UPF2: variants seen among roughly 807,000 people sequenced by gnomAD.
UPF2 encodes the protein regulator of nonsense transcripts 2.
Under a neutral mutation model 141.4 loss-of-function variants are expected in UPF2, and 17 were observed. The observed-to-expected ratio is 0.12, with a 90% CI of 0.08 to 0.18. The LOEUF (loss-of-function observed/expected upper bound fraction) is 0.18. Among genes scored for constraint, UPF2 ranks in the 10% least tolerant of loss-of-function variants. UPF2 has a pLI of 1.00. For missense variants in UPF2, 1,152 were observed against 1,515.9 expected (o/e 0.76, Z 3.99); for synonymous variants, 540 against 498.0 (o/e 1.08, Z -1.12).
At chr10:12,039,077 G>C (rs1834687546) in intron 1 of UPF2, among the ~76,000 whole-genome samples, 1 of 152,074 alleles carries the variant, frequency 6.6e-6, no homozygotes, top group South Asian at 2.1e-4. Flanking sequence ...CTTTCAAAAA[G>C]ACTATAATAC....
rs142931329 is a variant in UPF2 at position 11,967,423 on chromosome 10, G to A, written c.1985C>T (p.Thr662Ile). Residue 662 changes from threonine (T) to isoleucine (I), a missense_variant, in exon 10 of 22, where the codon ACA becomes ATA. Thr to Ile is a moderately conservative substitution (Grantham distance 89, BLOSUM62 -1). This residue lies in a region of UPF2 where 739 missense variants were observed against 1,032.2 expected (regional missense o/e 0.72). Transcript: ENST00000357604. ...VRKKDQINIE[T>I]KNKTVRFIGE... ...TATAAAACGAACAGTTTTATTCTTT[G>A]TTTCAATATTGATCTGGTCCTTTTT... The A allele has an allele frequency of 6.3e-7, 1 of 1,579,542 alleles. No homozygotes were observed. The highest frequency in any genetic ancestry group is 1.4e-5 in the African/African-American group (1 of 72,438).
At chr10:12,000,810 G>T (rs1216145102) in intron 6 of UPF2, among the ~76,000 whole-genome samples, 1 of 151,718 alleles carries the variant, frequency 6.6e-6, no homozygotes, top group Non-Finnish European at 1.5e-5. Context: ...TCTCAAAAAA[G>T]TAAATAAATA....
In UPF2 at chr10:12,029,627, T is replaced by C. The variant is rs187933151; in HGVS notation, c.366-103A>G. 1,342 of 1,270,522 alleles carry C rather than the reference T, an allele frequency of 1.1e-3. 2 individuals are homozygous for C. The highest frequency in any genetic ancestry group is 1.3e-3 in the Non-Finnish European group (1,258 of 939,882). The allele number at this position is 1,270,522 out of a possible 1,614,324, so 78.7% of individuals were successfully genotyped here. On this transcript the variant is annotated intron_variant, in intron 2 of 21. Coordinates refer to ENST00000357604, the MANE Select transcript of UPF2 (RefSeq NM_015542.4). ...GCCAATGAAAAAAATTATCTAAGTA[T>C]AACAATCTACAAGATTCAAAAGGCC...
rs1051700798 is a variant in UPF2 at position 11,935,013 on chromosome 10, A to G, written c.3546+1532T>C. On this transcript the variant is annotated intron_variant, in intron 19 of 21. Transcript: ENST00000357604. The surrounding 1 kb of genome is among the most constrained non-coding windows in gnomAD (Gnocchi z 4.9). Reference sequence around the variant, plus strand: ...GTATACTGCACAAGTATAGTGCACAATTTTGATCTCGGTGTACATGAGAAG... The same window carrying G: ...GTATACTGCACAAGTATAGTGCACAGTTTTGATCTCGGTGTACATGAGAAG... Among the ~76,000 whole-genome samples, 1 of 152,188 alleles carries G rather than the reference A, an allele frequency of 6.6e-6. No homozygotes were observed. The highest frequency in any genetic ancestry group is 2.4e-5 in the African/African-American group (1 of 41,456).
At chr10:11,988,797 T>C (rs1009498976) in intron 8 of UPF2, among the ~76,000 whole-genome samples, 9 of 152,192 alleles carry the variant, frequency 5.9e-5, no homozygotes, top group African/African-American at 1.9e-4. Context: ...CTGCTTACTC[T>C]ACACTCAACT....
chr10:12,031,461 C>T (rs1053479834), intron 2 of UPF2, among the ~76,000 whole-genome samples: 1 of 152,068 alleles, frequency 6.6e-6, no homozygotes, highest in African/African-American at 2.4e-5. Context: ...AAAATAGGCA[C>T]GAGTGAGGGG....
intron 5 of UPF2, 58 bp downstream of exon 5, chr10:12,004,472 C>T: frequency 7.4e-7 from 1 of 1,348,616 alleles, no homozygotes; most frequent in Non-Finnish European, 1.0e-6. Flanking sequence ...TTTACAAATA[C>T]TATTTTGAAG....
intron 8 of UPF2, among the ~76,000 whole-genome samples, chr10:11,987,656 G>A (rs1385866264): frequency 2.0e-5 from 3 of 150,990 alleles, no homozygotes; most frequent in Non-Finnish European, 4.4e-5. Context: ...CAGCTACTAG[G>A]GAGGCTGAGG....
At chr10:12,002,540 C>G (rs961139752) in intron 5 of UPF2, among the ~76,000 whole-genome samples, 1 of 152,036 alleles carries the variant, frequency 6.6e-6, no homozygotes, top group Non-Finnish European at 1.5e-5. Context: ...TAAAAGGGAT[C>G]TGATGTGAAA....
At chr10:11,958,430 G>C (rs900888952) in intron 12 of UPF2, among the ~76,000 whole-genome samples, 1 of 152,130 alleles carries the variant, frequency 6.6e-6, no homozygotes, top group Non-Finnish European at 1.5e-5. Context: ...ATGAGAACTC[G>C]TTTAGCCATT....
Position 11,921,166 on chromosome 10 carries a change from T to C in UPF2, c.*132A>G. The C allele has an allele frequency of 7.9e-7, 1 of 1,265,076 alleles. No individual in the cohort carries two copies. Among genetic ancestry groups the C allele is most frequent in the Non-Finnish European group, 1.2e-6 (1 of 861,944 alleles). The allele number at this position is 1,265,076 out of a possible 1,614,324, so 78.4% of individuals were successfully genotyped here. On this transcript the variant is annotated 3_prime_UTR_variant, in exon 22 of 22. Transcript: ENST00000357604. This position sits in a 1 kb window ranked among gnomAD's most constrained non-coding sequence, Gnocchi z 5.9. Reference sequence around the variant, plus strand: ...GTTTCTGCCTCCTGGCCCCAGCCTGTCCCAGGTTTAGATTCGCAACTCTCT... The same window carrying C: ...GTTTCTGCCTCCTGGCCCCAGCCTGCCCCAGGTTTAGATTCGCAACTCTCT...
In UPF2 at chr10:11,953,512, A is replaced by AT. The variant is rs1833104172; in HGVS notation, c.2851-1264dup. On this transcript the variant is annotated intron_variant, in intron 14 of 21. Transcript: ENST00000357604. The surrounding 1 kb of genome is among the most constrained non-coding windows in gnomAD (Gnocchi z 5.0). ...ATTCCTAGGTATGGCTCTGTTACACATTTTTGTCTGTTAATCAGTTTGGAA... is the reference window on the plus strand; with the variant it reads ...ATTCCTAGGTATGGCTCTGTTACACATTTTTTGTCTGTTAATCAGTTTGGAA... 6.6e-6 allele frequency among the ~76,000 whole-genome samples: 1 copy of AT among 152,066 alleles called. No homozygotes were observed. Among genetic ancestry groups the AT allele is most frequent in the Admixed American group, 6.6e-5 (1 of 15,264 alleles).
At chr10:12,017,107 G>GA (rs932173428) in intron 3 of UPF2, among the ~76,000 whole-genome samples, 2 of 151,418 alleles carry the variant, frequency 1.3e-5, no homozygotes, top group Non-Finnish European at 2.9e-5. Flanking sequence ...ACTTTAGTCT[G>GA]AAAAAAAATT....
chr10:11,950,841 C>T (rs1017139242), intron 15 of UPF2, among the ~76,000 whole-genome samples: 4 of 152,128 alleles, frequency 2.6e-5, no homozygotes, highest in African/African-American at 4.8e-5. Context: ...TATGCCTTTA[C>T]GGGTTAAGTT....
chr10:11,929,953 G>T lies in UPF2; in HGVS notation c.3721C>A (p.Pro1241Thr). 6.2e-7 allele frequency: 1 copy of T among 1,614,224 alleles called. No individual in the cohort carries two copies. The highest frequency in any genetic ancestry group is 2.2e-5 in the East Asian group (1 of 44,886). ...MLQSLAQRPA[P>T]ANTNRERRPR... The stretch of plus-strand genomic sequence containing the variant: ...CGCCTCTCACGATTGGTGTTTGCTG[G>T]AGCTGGGCGCTGTGCAAGAGACTGC... Residue 1241 changes from proline to threonine, a missense_variant, in exon 21 of 22, where the codon CCA becomes ACA. Pro to Thr is a conservative substitution (Grantham distance 38). Coordinates refer to ENST00000357604, the MANE Select transcript of UPF2 (RefSeq NM_015542.4).
At chr10:12,015,702 CATAA>C (rs546836989) in intron 3 of UPF2, among the ~76,000 whole-genome samples, 3 of 151,944 alleles carry the variant, frequency 2.0e-5, no homozygotes, top group African/African-American at 4.8e-5. Context: ...ACTCTTGTCT[CATAA>C]ATAAATAAAT....
rs1172117589 is a variant in UPF2, at chr10:11,998,061, C to A, written c.1759-304G>T. Among the ~76,000 whole-genome samples the A allele has an allele frequency of 6.6e-6, 1 of 152,164 alleles. No homozygotes were observed. The highest frequency in any genetic ancestry group is 2.4e-5 in the African/African-American group (1 of 41,434). Reference sequence around the variant, plus strand: ...GATGGAAGAAGAAGAAGTGTGCCCCCACATTCACTAAAAAAGTTTAGTGTC... The same window carrying A: ...GATGGAAGAAGAAGAAGTGTGCCCCAACATTCACTAAAAAAGTTTAGTGTC... On this transcript the variant is annotated intron_variant, in intron 7 of 21. Transcript: ENST00000357604. The surrounding 1 kb of genome is among the most constrained non-coding windows in gnomAD (Gnocchi z 4.5).
intron 9 of UPF2, among the ~76,000 whole-genome samples, chr10:11,971,923 G>T (rs113353664): frequency 9.2e-5 from 14 of 152,160 alleles, no homozygotes; most frequent in African/African-American, 3.1e-4. Context: ...AATTGGCCAG[G>T]TATGGTGGCC....
intron 3 of UPF2, among the ~76,000 whole-genome samples, chr10:12,022,015 A>G (rs4750151): frequency 0.6 from 90,682 of 151,748 alleles, 28,377 homozygotes; most frequent in East Asian, 0.86. Context: ...TGGCAGGTGC[A>G]TGTAGTCCCA....
Sources: gnomAD v4.1 joint callset for allele counts (sites outside exome capture counted in the v4.1 genomes callset) on GRCh38, gnomAD v4.1.1 for gene constraint, gnomAD v4.1.1 regional missense constraint, Gnocchi (gnomAD v3.1) non-coding constraint, MANE v1.5 for transcripts, NCBI Gene and HGNC (gene_info 2026-07-23, HGNC 2026-07-21) for gene names.